The following SRGAP3 variants were observed in gnomAD, a reference collection of about 807,000 sequenced individuals.
The protein encoded by SRGAP3 is SLIT-ROBO Rho GTPase activating protein 3.
SRGAP3 carries 39 observed loss-of-function variants against 121.1 expected under a neutral mutation model. The ratio of observed to expected loss-of-function variants is 0.32; its 90% CI spans 0.25 to 0.42. The LOEUF (loss-of-function observed/expected upper bound fraction) is 0.42. Among genes scored for constraint, SRGAP3 ranks in the 10% least tolerant of loss-of-function variants. The probability of loss-of-function intolerance (pLI) is 1.00; values close to 1 mark genes in which losing one functional copy is unlikely to be tolerated. For missense variants in SRGAP3, 1,213 were observed against 1,470.6 expected (o/e 0.82, Z 2.86); for synonymous variants, 601 against 570.0 (o/e 1.05, Z -0.77).
chr3:9,149,898 CA>C (rs2125052254), intron 1 of SRGAP3, among the ~76,000 whole-genome samples: 1 of 152,324 alleles, frequency 6.6e-6, no homozygotes, highest in African/African-American at 2.4e-5. Context: ...TCATGCACCC[CA>C]TCCAGCCAGC....
chr3:9,004,990 G>A (rs908015623), intron 18 of SRGAP3, among the ~76,000 whole-genome samples: 15 of 152,196 alleles, frequency 9.9e-5, no homozygotes, highest in African/African-American at 3.6e-4. Flanking sequence ...CACAGAATGG[G>A]AGAAAATATT....
chr3:9,049,116 C>T (rs1945430220), intron 9 of SRGAP3: 2 of 255,992 alleles, frequency 7.8e-6, no homozygotes, highest in Non-Finnish European at 1.6e-5. Context: ...AAGTGAGCTG[C>T]AGAGGCTCAG....
chr3:9,264,008 A>G (rs959027517), intron 3 of SRGAP3, among the ~76,000 whole-genome samples: 1 of 152,234 alleles, frequency 6.6e-6, no homozygotes, highest in Admixed American at 6.5e-5. Context: ...AGCACGTTCT[A>G]AAGCTTATCC....
intron 3 of SRGAP3, among the ~76,000 whole-genome samples, chr3:9,262,979 C>T (rs1954285208): frequency 6.6e-6 from 1 of 152,138 alleles, no homozygotes; most frequent in Non-Finnish European, 1.5e-5. Context: ...AAGTAAAACA[C>T]TCCTCAGCAA....
intron 7 of SRGAP3, among the ~76,000 whole-genome samples, chr3:9,056,739 G>A (rs2664098): frequency 0.71 from 108,773 of 152,142 alleles, 40,342 homozygotes; most frequent in South Asian, 0.84. Context: ...AATCAGGGGC[G>A]CACTCCCATT....
chr3:9,169,571 G>A (rs1451944462), intron 1 of SRGAP3, among the ~76,000 whole-genome samples: 11 of 152,206 alleles, frequency 7.2e-5, no homozygotes, highest in Non-Finnish European at 1.2e-4. Flanking sequence ...ATGAATTTCT[G>A]CTAAGCTGAA....
chr3:9,277,066 G>T (rs1007044788), intron 3 of SRGAP3, among the ~76,000 whole-genome samples: 3 of 152,192 alleles, frequency 2.0e-5, no homozygotes, highest in Non-Finnish European at 4.4e-5. Context: ...AGCATATGGA[G>T]ATAAGAATAA....
intron 18 of SRGAP3, among the ~76,000 whole-genome samples, chr3:9,002,758 G>A (rs1269392560): frequency 2.6e-5 from 4 of 151,824 alleles, no homozygotes; most frequent in Non-Finnish European, 4.4e-5. Context: ...AAGAGGGGAC[G>A]TTACTACCAT....
chr3:9,028,241 C>T, intron 12 of SRGAP3: 1 of 1,421,664 alleles, frequency 7.0e-7, no homozygotes, highest in South Asian at 1.2e-5. Flanking sequence ...CGCCGAAATG[C>T]AATGGCAGCC....
chr3:9,303,018 A>C (rs948218868), intron 3 of SRGAP3, among the ~76,000 whole-genome samples: 1 of 152,252 alleles, frequency 6.6e-6, no homozygotes, highest in African/African-American at 2.4e-5. Flanking sequence ...TCTAGAAGTT[A>C]TACAGCATTT....
In SRGAP3 at chr3:9,073,247, A is replaced by C. The variant is rs1435224708; in HGVS notation, c.486+6778T>G. On this transcript the variant is annotated intron_variant, in intron 4 of 21. Transcript: ENST00000383836. ...CAGTCTTCACCTCCCAAGCTCAGGT[A>C]ATCCTCCCACCTCAACCTCCCGGGT... Among the ~76,000 whole-genome samples the C allele has an allele frequency of 2.6e-5, 4 of 152,290 alleles. No homozygotes were observed. The East Asian group carries it at 5.8e-4, about 22-fold the overall frequency.
chr3:9,286,645 C>CA (rs1265751660), intron 3 of SRGAP3, among the ~76,000 whole-genome samples: 2 of 152,076 alleles, frequency 1.3e-5, no homozygotes, highest in Non-Finnish European at 2.9e-5. Context: ...CTCTGTCGCC[C>CA]AGGCTGGAGT....
At chr3:9,140,333 A>G (rs927832414) in intron 1 of SRGAP3, among the ~76,000 whole-genome samples, 3 of 152,248 alleles carry the variant, frequency 2.0e-5, no homozygotes, top group African/African-American at 7.2e-5. Flanking sequence ...GAAAATGCCC[A>G]TAATATATTG....
intron 1 of SRGAP3, among the ~76,000 whole-genome samples, chr3:9,149,182 C>G (rs531292671): frequency 2.0e-5 from 3 of 149,950 alleles, no homozygotes; most frequent in Admixed American, 1.3e-4. Flanking sequence ...CCACTGCACT[C>G]CAGCCCAGGT....
At chr3:9,343,036 C>T (rs1030072583) in intron 1 of SRGAP3, among the ~76,000 whole-genome samples, 1 of 152,224 alleles carries the variant, frequency 6.6e-6, no homozygotes, top group African/African-American at 2.4e-5. Context: ...CCCCTGGCAT[C>T]CCCTGCTCAG....
chr3:9,287,183 G>A (rs1029207156), intron 3 of SRGAP3, among the ~76,000 whole-genome samples: 4 of 151,618 alleles, frequency 2.6e-5, no homozygotes, highest in African/African-American at 9.7e-5. Context: ...GTAGAGACAG[G>A]GTTTCACCAT....
intron 3 of SRGAP3, among the ~76,000 whole-genome samples, chr3:9,315,560 C>T (rs1461371788): frequency 2.0e-5 from 3 of 152,164 alleles, no homozygotes; most frequent in African/African-American, 4.8e-5. Context: ...AGACAATAAC[C>T]TCTTACGTGA....
intron 3 of SRGAP3, among the ~76,000 whole-genome samples, chr3:9,296,333 T>C (rs1559264630): frequency 6.6e-6 from 1 of 152,238 alleles, no homozygotes; most frequent in Non-Finnish European, 1.5e-5. Context: ...ATAGTCATCC[T>C]AATGGATGTT....
intron 3 of SRGAP3, among the ~76,000 whole-genome samples, chr3:9,292,332 C>T (rs1446612291): frequency 6.6e-6 from 1 of 152,174 alleles, no homozygotes; most frequent in Non-Finnish European, 1.5e-5. Flanking sequence ...TGAGACCACA[C>T]GTTGAGAACC....
Sources: gnomAD v4.1 joint callset for allele counts (sites outside exome capture counted in the v4.1 genomes callset) on GRCh38, gnomAD v4.1.1 for gene constraint, MANE v1.5 for transcripts, NCBI Gene and HGNC (gene_info 2026-07-23, HGNC 2026-07-21) for gene names.